SGCZ: variants seen among roughly 807,000 people sequenced by gnomAD.
SGCZ encodes the protein sarcoglycan zeta, also known as zeta-sarcoglycan.
Under a neutral mutation model 41.3 loss-of-function variants are expected in SGCZ, and 40 were observed. The observed-to-expected ratio is 0.97, with a 90% CI of 0.75 to 1.26. The LOEUF is 1.26. SGCZ is among the 50% of genes most tolerant of loss of function. The probability of loss-of-function intolerance (pLI) is 0.00; values close to 1 mark genes in which losing one functional copy is unlikely to be tolerated. For synonymous variants in SGCZ, 206 were observed against 137.5 expected (o/e 1.50, Z -3.49); for missense variants, 552 against 369.8 (o/e 1.49, Z -4.04).
At chr8:14,296,312 A>T (rs1263688165) in intron 3 of SGCZ, among the ~76,000 whole-genome samples, 4 of 152,192 alleles carry the variant, frequency 2.6e-5, no homozygotes, top group African/African-American at 7.2e-5. Flanking sequence ...GCAATCCATG[A>T]TCCATACCCA....
Position 14,361,550 on chromosome 8 carries a change from C to T in SGCZ, c.235-37346G>A, listed in dbSNP as rs1414985429. On this transcript the variant is annotated intron_variant, in intron 2 of 7. Coordinates refer to ENST00000382080, the MANE Select transcript of SGCZ (RefSeq NM_139167.4). The stretch of plus-strand genomic sequence containing the variant: ...TTCAAGAGGTCATTTAAGCTCTTCT[C>T]TACACTGGTTATTCTAGTTAGCCAT... 2.6e-5 allele frequency among the ~76,000 whole-genome samples: 4 copies of T among 152,210 alleles called. No individual in the cohort carries two copies. In the East Asian group the frequency reaches 7.7e-4, roughly 29 times the overall value.
chr8:14,264,214 G>A (rs1320250826), intron 3 of SGCZ, among the ~76,000 whole-genome samples: 1 of 152,180 alleles, frequency 6.6e-6, no homozygotes, highest in Non-Finnish European at 1.5e-5. Context: ...CTGTGGGAAT[G>A]GCTACTTAAT....
chr8:14,364,106 A>G (rs527322857), intron 2 of SGCZ, among the ~76,000 whole-genome samples: 1 of 152,286 alleles, frequency 6.6e-6, no homozygotes, highest in African/African-American at 2.4e-5. Flanking sequence ...TTCAAAATAT[A>G]TAGTGTAGTT....
At chr8:15,169,832 T>C (rs1411424011) in intron 1 of SGCZ, among the ~76,000 whole-genome samples, 1 of 152,228 alleles carries the variant, frequency 6.6e-6, no homozygotes, top group Non-Finnish European at 1.5e-5. Flanking sequence ...TCTATTTCAA[T>C]GTTTCCATTC....
At chr8:14,385,348 G>A (rs919737824) in intron 2 of SGCZ, among the ~76,000 whole-genome samples, 14 of 152,128 alleles carry the variant, frequency 9.2e-5, no homozygotes, top group African/African-American at 3.4e-4. Context: ...CAAGGTGTGT[G>A]TAAATAAAAT....
chr8:15,164,899 T>C (rs938044343), intron 1 of SGCZ, among the ~76,000 whole-genome samples: 1 of 152,142 alleles, frequency 6.6e-6, no homozygotes, highest in Non-Finnish European at 1.5e-5. Context: ...CTTTCTGGTT[T>C]GATACCTGCA....
chr8:15,204,047 G>A (rs1800981305), intron 1 of SGCZ, among the ~76,000 whole-genome samples: 1 of 152,008 alleles, frequency 6.6e-6, no homozygotes, highest in African/African-American at 2.4e-5. Flanking sequence ...AAAATTTTGT[G>A]GCCATAATTA....
At chr8:14,840,970 T>C (rs1346840863) in intron 1 of SGCZ, among the ~76,000 whole-genome samples, 3 of 152,128 alleles carry the variant, frequency 2.0e-5, no homozygotes, top group Admixed American at 1.3e-4. Flanking sequence ...CTTCCCATTA[T>C]TACTATGAAG....
chr8:14,773,044 A>G (rs1262787196), intron 1 of SGCZ, among the ~76,000 whole-genome samples: 3 of 152,238 alleles, frequency 2.0e-5, no homozygotes, highest in African/African-American at 7.2e-5. Context: ...AGTCCCACCA[A>G]CAGTGTAAAA....
rs944950639 is a variant in SGCZ, at chr8:14,644,341, G to A, written c.40-89415C>T. On this transcript the variant is annotated intron_variant, in intron 1 of 7. Transcript: ENST00000382080. ...GTTTCCCAGGAAAGAAGAAATTCTG[G>A]ATCAAGGCTGAAATCTAGAAATCCT... Among the ~76,000 whole-genome samples, 4 of 151,732 alleles carry A rather than the reference G, an allele frequency of 2.6e-5. No homozygotes were observed. In the Admixed American group the frequency reaches 2.6e-4, roughly 10 times the overall value.
At chr8:14,608,297 T>C (rs1405675700) in intron 1 of SGCZ, among the ~76,000 whole-genome samples, 1 of 152,072 alleles carries the variant, frequency 6.6e-6, no homozygotes, top group Admixed American at 6.6e-5. Context: ...CAAGTGTATT[T>C]GTTTGTTTTG....
chr8:14,794,005 C>G (rs1240310717), intron 1 of SGCZ, among the ~76,000 whole-genome samples: 1 of 152,138 alleles, frequency 6.6e-6, no homozygotes, highest in South Asian at 2.1e-4. Context: ...AACTGGAATA[C>G]TGTACTTTGG....
intron 3 of SGCZ, among the ~76,000 whole-genome samples, chr8:14,296,052 T>A (rs1180361961): frequency 1.3e-5 from 2 of 152,072 alleles, no homozygotes; most frequent in African/African-American, 4.8e-5. Flanking sequence ...CTCCACTGAA[T>A]ACCCAGAGTT....
At chr8:14,645,588 A>G (rs1208582312) in intron 1 of SGCZ, among the ~76,000 whole-genome samples, 1 of 150,186 alleles carries the variant, frequency 6.7e-6, no homozygotes, top group Non-Finnish European at 1.5e-5. Flanking sequence ...GTATCCTCGA[A>G]GCTTGGATAA....
At chr8:15,198,162 C>T (rs1284869092) in intron 1 of SGCZ, among the ~76,000 whole-genome samples, 1 of 151,180 alleles carries the variant, frequency 6.6e-6, no homozygotes, top group Non-Finnish European at 1.5e-5. Flanking sequence ...AATCTATAAA[C>T]ATTTTAACAT....
intron 1 of SGCZ, among the ~76,000 whole-genome samples, chr8:14,940,088 T>C (rs1260598542): frequency 5.3e-5 from 8 of 152,194 alleles, no homozygotes; most frequent in Admixed American, 5.2e-4. Context: ...CTTAAGTCAC[T>C]GGAAAACATG....
intron 1 of SGCZ, among the ~76,000 whole-genome samples, chr8:14,604,471 T>A (rs1805685856): frequency 6.6e-6 from 1 of 152,166 alleles, no homozygotes; most frequent in Non-Finnish European, 1.5e-5. Flanking sequence ...TCATTTTAAT[T>A]ATTGAGACAT....
At chr8:14,748,831 A>G (rs1385425332) in intron 1 of SGCZ, among the ~76,000 whole-genome samples, 2 of 152,128 alleles carry the variant, frequency 1.3e-5, no homozygotes, top group Non-Finnish European at 2.9e-5. Context: ...CAATCCTGAC[A>G]TGTTTTATTA....
chr8:14,895,845 G>A (rs985321493), intron 1 of SGCZ, among the ~76,000 whole-genome samples: 1 of 152,124 alleles, frequency 6.6e-6, no homozygotes, highest in African/African-American at 2.4e-5. Flanking sequence ...CACTGCTGGA[G>A]ATTCTAATTG....
Sources: gnomAD v4.1 joint callset for allele counts (sites outside exome capture counted in the v4.1 genomes callset) on GRCh38, gnomAD v4.1.1 for gene constraint, MANE v1.5 for transcripts, NCBI Gene and HGNC (gene_info 2026-07-23, HGNC 2026-07-21) for gene names.